Variants in CDH23 observed in about 807,000 individuals in gnomAD.
CDH23 encodes cadherin related 23.
CDH23 carries 189 observed loss-of-function variants against 317.1 expected under a neutral mutation model. That is an observed-to-expected ratio of 0.60 (90% confidence interval 0.53 to 0.67). The LOEUF (loss-of-function observed/expected upper bound fraction) is 0.67, where lower values mean the gene tolerates loss of function less well. CDH23 is among the 30% of genes least tolerant of loss of function. CDH23 has a pLI of 0.00. For synonymous variants in CDH23, 1,839 were observed against 1,876.8 expected (o/e 0.98, Z 0.52); for missense variants, 4,401 against 4,592.4 (o/e 0.96, Z 1.20).
chr10:71,799,040 C>T, intron 50 of CDH23, 71 bp from the exon 51 acceptor site: 1 of 1,466,400 alleles, frequency 6.8e-7, no homozygotes, highest in Non-Finnish European at 9.4e-7. Context: ...CCAGGTCTTT[C>T]TCCTCATACT....
At chr10:71,672,339 CCAGGCCCAGGGCCCCTGA>C (rs1449093013) in intron 14 of CDH23, among the ~76,000 whole-genome samples, 15 of 152,228 alleles carry the variant, frequency 9.9e-5, no homozygotes, top group African/African-American at 3.6e-4. Flanking sequence ...CCGCCTCCTC[CCAGGCCCAGGGCCCCTGA>C]CAGGCCCTGC....
chr10:71,549,615 C>T (rs939966389), intron 6 of CDH23, among the ~76,000 whole-genome samples: 7 of 152,230 alleles, frequency 4.6e-5, no homozygotes, highest in African/African-American at 9.6e-5. Context: ...TCCCGAGGCT[C>T]AGTCTGGGAA....
chr10:71,716,129 C>T (rs759277096), intron 28 of CDH23: 48 of 1,549,730 alleles, frequency 3.1e-5, no homozygotes, highest in Middle Eastern at 3.5e-4. Context: ...CTCGTGAGCC[C>T]TGCGGCGGCT....
At position 71,779,416 on chromosome 10, in the gene CDH23, G is replaced by A. The variant is rs1589416996; in HGVS notation, c.5337G>A (p.Val1779=). ...GAGACTCAGGACCCAACGGGCAGGT[G>A]GAGTACAGCATCATGGATGGAGACC... ...HDRDSGPNGQ[V]EYSIMDGDPL... is the part of the protein sequence containing the mutation. The change falls in exon 41 of 70, where the codon GTG becomes GTA. Residue 1779 remains valine (V), a synonymous_variant. Transcript: ENST00000224721. 5.0e-6 allele frequency: 8 copies of A among 1,612,494 alleles called. No homozygotes were observed. The highest frequency in any genetic ancestry group is 6.8e-6 in the Non-Finnish European group (8 of 1,178,788).
rs1206705356 is a variant in CDH23 at position 71,645,980 on chromosome 10, T to G, written c.1290T>G (p.Asp430Glu). Residue 430 changes from aspartate (D) to glutamate (E), a missense_variant and splice_region_variant, in exon 13 of 70, where the codon GAT becomes GAG. Coordinates refer to ENST00000224721, the MANE Select transcript of CDH23 (RefSeq NM_022124.6). Reference sequence around the variant, plus strand: ...AGACCGTGGACCGCTACGACTTTGATGTAAGGCCCCACTCACTGGCATTTT... The same window carrying G: ...AGACCGTGGACCGCTACGACTTTGAGGTAAGGCCCCACTCACTGGCATTTT... ...DYETVDRYDFDLFANESVPDH... is the reference protein window; with the variant it reads ...DYETVDRYDFELFANESVPDH... 27 of 1,610,916 alleles carry G rather than the reference T, an allele frequency of 1.7e-5. No homozygotes were observed. Among genetic ancestry groups the G allele is most frequent in the Non-Finnish European group, 2.2e-5 (26 of 1,179,010 alleles).
chr10:71,614,184 C>T (rs544743874), intron 9 of CDH23, among the ~76,000 whole-genome samples: 3 of 152,350 alleles, frequency 2.0e-5, no homozygotes, highest in Admixed American at 2.0e-4. Flanking sequence ...CTCAGAGATG[C>T]CGATTCTGGT....
chr10:71,701,299 G>C (rs1032522397), intron 22 of CDH23, among the ~76,000 whole-genome samples: 2 of 152,176 alleles, frequency 1.3e-5, no homozygotes, highest in African/African-American at 4.8e-5. Flanking sequence ...CACGCAGGGG[G>C]CCTCGGCGAA....
chr10:71,478,329 A>G (rs531405579), intron 3 of CDH23, among the ~76,000 whole-genome samples: 1 of 152,196 alleles, frequency 6.6e-6, no homozygotes, highest in African/African-American at 2.4e-5. Flanking sequence ...TCACAGTTCT[A>G]TTGATGCATC....
intron 38 of CDH23, chr10:71,773,530 C>G (rs757749664): frequency 8.6e-6 from 11 of 1,274,704 alleles, no homozygotes; most frequent in East Asian, 2.7e-5. Flanking sequence ...TGAGTGCGAG[C>G]GAGTGAGCGC....
intron 38 of CDH23, among the ~76,000 whole-genome samples, chr10:71,766,922 AC>A (rs1840561084): frequency 6.6e-6 from 1 of 152,126 alleles, no homozygotes; most frequent in African/African-American, 2.4e-5. Flanking sequence ...ATTGACCTCC[AC>A]GCCCTCCGTG....
rs1564673901 is a variant in CDH23 at position 71,590,892 on chromosome 10, AAAAAC to A, written c.832+12905_832+12909del. On this transcript the variant is annotated intron_variant, in intron 9 of 69. Transcript: ENST00000224721. The stretch of plus-strand genomic sequence containing the variant: ...TGTCTCTAAAAAAAAAAAAACAAAA[AAAAAC>A]AAAAAAAAACACCAGTCTCTTCTCT... Among the ~76,000 whole-genome samples, 67 of 142,794 alleles carry A rather than the reference AAAAAC, an allele frequency of 4.7e-4. 11 individuals carry two copies. Among genetic ancestry groups the A allele is most frequent in the African/African-American group, 9.9e-4 (39 of 39,374 alleles). 93.7% of individuals were successfully genotyped at this position (142,794 alleles called of 152,430 possible). A position where few individuals can be genotyped will look rare whatever the true frequency, so the allele number is the denominator to read the frequency against.
chr10:71,557,659 C>T (rs1248365837), intron 6 of CDH23, among the ~76,000 whole-genome samples: 4 of 152,232 alleles, frequency 2.6e-5, no homozygotes, highest in Admixed American at 6.5e-5. Context: ...GATAGTTTGG[C>T]TGTGTATAGA....
intron 11 of CDH23, among the ~76,000 whole-genome samples, chr10:71,643,621 C>G (rs948614643): frequency 6.6e-6 from 1 of 152,066 alleles, no homozygotes; most frequent in Non-Finnish European, 1.5e-5. Flanking sequence ...ATGCTTGTCC[C>G]TCTTCTTCAC....
At chr10:71,459,862 G>A (rs1449353596) in intron 3 of CDH23, among the ~76,000 whole-genome samples, 2 of 152,202 alleles carry the variant, frequency 1.3e-5, no homozygotes, top group African/African-American at 2.4e-5. Flanking sequence ...AGGGTCTGCA[G>A]GGCTTTCCTA....
At chr10:71,599,478 A>G (rs963711363) in intron 9 of CDH23, among the ~76,000 whole-genome samples, 4 of 152,220 alleles carry the variant, frequency 2.6e-5, no homozygotes, top group Admixed American at 6.5e-5. Context: ...TGCATACAGT[A>G]TGTAAAGATG....
intron 6 of CDH23, among the ~76,000 whole-genome samples, chr10:71,514,571 C>T (rs1430756749): frequency 6.6e-6 from 1 of 152,186 alleles, no homozygotes; most frequent in Non-Finnish European, 1.5e-5. Context: ...TCTGCCGGGT[C>T]CAGCCCCCAG....
chr10:71,679,569 G>A (rs1864526336), intron 17 of CDH23, 77 bp downstream of exon 17: 17 of 1,137,522 alleles, frequency 1.5e-5, no homozygotes, highest in South Asian at 5.3e-5. Context: ...TCCCTTGTGG[G>A]GATGAGGCGG....
intron 18 of CDH23, among the ~76,000 whole-genome samples, chr10:71,683,906 C>T (rs1173138701): frequency 6.6e-6 from 1 of 152,028 alleles, no homozygotes; most frequent in African/African-American, 2.4e-5. Context: ...CGTGGTGAAA[C>T]TCCATCGCTA....
chr10:71,574,243 A>G (rs1410766327), intron 8 of CDH23, among the ~76,000 whole-genome samples: 2 of 151,888 alleles, frequency 1.3e-5, no homozygotes, highest in African/African-American at 4.8e-5. Context: ...TCAGGTTAGC[A>G]TGCCTCATCT....
Sources: allele counts gnomAD v4.1 joint callset (sites outside exome capture counted in the v4.1 genomes callset), GRCh38; gene constraint gnomAD v4.1.1; transcripts MANE v1.5; gene names NCBI Gene and HGNC (gene_info 2026-07-23, HGNC 2026-07-21).